GULP1: variants seen among roughly 807,000 people sequenced by gnomAD.
GULP1 encodes the protein PTB domain-containing engulfment adapter protein 1.
Under a neutral mutation model 40.9 loss-of-function variants are expected in GULP1, and 19 were observed. The observed-to-expected ratio is 0.46, with a 90% CI of 0.32 to 0.68. The LOEUF (loss-of-function observed/expected upper bound fraction) is 0.68, where lower values mean the gene tolerates loss of function less well. Among genes scored for constraint, GULP1 ranks in the 30% least tolerant of loss-of-function variants. GULP1 has a pLI of 0.03. For missense variants in GULP1, 312 were observed against 362.2 expected, an observed-to-expected ratio of 0.86 and a Z score of 1.12; for synonymous variants, 119 against 117.6, an observed-to-expected ratio of 1.01 and a Z score of -0.08.
Position 188,381,858 on chromosome 2 carries a change from A to T in GULP1, c.-171-1905A>T, listed in dbSNP as rs570508416. Among the ~76,000 whole-genome samples, 23 of 152,296 alleles carry T rather than the reference A, an allele frequency of 1.5e-4. 1 individual carries two copies. The Middle Eastern group carries it at 0.017, about 113-fold the overall frequency. ...TTTTTAGAGCTGGAAGTATGTGATG[A>T]TACAACCCTTACATTTTACAGCAAG... On this transcript the variant is annotated intron_variant, in intron 1 of 11. Transcript: ENST00000409830.
chr2:188,573,133 T>C (rs1699426433), intron 9 of GULP1, among the ~76,000 whole-genome samples: 1 of 152,200 alleles, frequency 6.6e-6, no homozygotes, highest in African/African-American at 2.4e-5. Context: ...TGTAAATTAA[T>C]GAGATATCTA....
intron 2 of GULP1, among the ~76,000 whole-genome samples, chr2:188,444,100 C>T (rs911463061): frequency 2.0e-5 from 3 of 152,172 alleles, no homozygotes; most frequent in African/African-American, 7.2e-5. Context: ...CAGACTATTA[C>T]ATACACCCTT....
chr2:188,413,420 G>A (rs2054171893), intron 2 of GULP1, among the ~76,000 whole-genome samples: 1 of 152,140 alleles, frequency 6.6e-6, no homozygotes, highest in Non-Finnish European at 1.5e-5. Flanking sequence ...GTTTTGATTT[G>A]CATTTCTCTG....
chr2:188,340,992 T>C (rs994900938), intron 1 of GULP1, among the ~76,000 whole-genome samples: 4 of 152,076 alleles, frequency 2.6e-5, no homozygotes, highest in South Asian at 2.1e-4. Flanking sequence ...CAGTGGAGCC[T>C]GGGGTTTTTA....
intron 7 of GULP1, among the ~76,000 whole-genome samples, chr2:188,547,248 A>G (rs1239370801): frequency 6.6e-6 from 1 of 151,954 alleles, no homozygotes; most frequent in African/African-American, 2.4e-5. Flanking sequence ...CAATGAAAAA[A>G]AAAAAAACAC....
At chr2:188,509,182 T>C (rs1575676904) in intron 4 of GULP1, among the ~76,000 whole-genome samples, 1 of 152,092 alleles carries the variant, frequency 6.6e-6, no homozygotes, top group East Asian at 1.9e-4. Flanking sequence ...GAAGCTCTAC[T>C]CTGGTGCAGA....
intron 6 of GULP1, among the ~76,000 whole-genome samples, chr2:188,540,013 C>T (rs1438096105): frequency 6.6e-6 from 1 of 151,986 alleles, no homozygotes; most frequent in African/African-American, 2.4e-5. Context: ...TAGTTATAAC[C>T]TAAAATAAAG....
chr2:188,443,830 G>A (rs1466200574), intron 2 of GULP1, among the ~76,000 whole-genome samples: 1 of 151,396 alleles, frequency 6.6e-6, no homozygotes, highest in Non-Finnish European at 1.5e-5. Context: ...GGGATTACAG[G>A]TGCCTGCAAA....
intron 1 of GULP1, among the ~76,000 whole-genome samples, chr2:188,310,180 A>C (rs2037839106): frequency 6.6e-6 from 1 of 152,196 alleles, no homozygotes; most frequent in African/African-American, 2.4e-5. Flanking sequence ...GGAACCATTC[A>C]AGGTTTTTAA....
At chr2:188,591,635 C>G (rs1179121096) in intron 11 of GULP1, 1 of 150,954 alleles carries the variant, frequency 6.6e-6, no homozygotes, top group East Asian at 1.9e-4. Context: ...TAATCAGGGT[C>G]TGCAAAGATG....
At chr2:188,591,637 G>A (rs1703566994) in intron 11 of GULP1, 1 of 151,318 alleles carries the variant, frequency 6.6e-6, no homozygotes, top group African/African-American at 2.4e-5. Context: ...ATCAGGGTCT[G>A]CAAAGATGAA....
chr2:188,359,515 T>G (rs1388197041), intron 1 of GULP1, among the ~76,000 whole-genome samples: 1 of 152,156 alleles, frequency 6.6e-6, no homozygotes, highest in Non-Finnish European at 1.5e-5. Flanking sequence ...TTTCCTGTTA[T>G]CATATGCTTC....
chr2:188,334,939 G>A (rs959680482), intron 1 of GULP1, among the ~76,000 whole-genome samples: 48 of 152,272 alleles, frequency 3.2e-4, no homozygotes, highest in Admixed American at 2.7e-3. Flanking sequence ...AATGAAAAAC[G>A]CTGCTTGGAG....
chr2:188,454,581 C>A (rs1198985025), intron 2 of GULP1, among the ~76,000 whole-genome samples: 1 of 152,174 alleles, frequency 6.6e-6, no homozygotes, highest in Admixed American at 6.5e-5. Flanking sequence ...CCTCTATCTG[C>A]CTAGGCATTT....
At chr2:188,327,891 G>A (rs2040983868) in intron 1 of GULP1, among the ~76,000 whole-genome samples, 1 of 152,116 alleles carries the variant, frequency 6.6e-6, no homozygotes, top group African/African-American at 2.4e-5. Flanking sequence ...TTAGTTCAGT[G>A]TATAATGAAG....
chr2:188,548,468 A>G (rs189764111), intron 7 of GULP1, among the ~76,000 whole-genome samples: 62 of 152,214 alleles, frequency 4.1e-4, no homozygotes, highest in South Asian at 2.5e-3. Flanking sequence ...GAATCTACAA[A>G]TAAATGGAGA....
intron 7 of GULP1, among the ~76,000 whole-genome samples, chr2:188,543,623 A>T (rs1691126625): frequency 6.6e-6 from 1 of 152,166 alleles, no homozygotes; most frequent in Non-Finnish European, 1.5e-5. Flanking sequence ...ATGGGAAATA[A>T]GTTATGGCCT....
At chr2:188,421,242 G>T (rs913792419) in intron 2 of GULP1, among the ~76,000 whole-genome samples, 1 of 152,048 alleles carries the variant, frequency 6.6e-6, no homozygotes, top group Non-Finnish European at 1.5e-5. Context: ...AATCAATTGT[G>T]TTTGTATATC....
At chr2:188,494,894 C>G (rs1197144435) in intron 4 of GULP1, among the ~76,000 whole-genome samples, 1 of 151,954 alleles carries the variant, frequency 6.6e-6, no homozygotes, top group Non-Finnish European at 1.5e-5. Context: ...CTCCACTATA[C>G]TTCCTTGCTA....
Sources: gnomAD v4.1 joint callset for allele counts (sites outside exome capture counted in the v4.1 genomes callset) on GRCh38, gnomAD v4.1.1 for gene constraint, MANE v1.5 for transcripts, NCBI Gene and HGNC (gene_info 2026-07-23, HGNC 2026-07-21) for gene names.